NXPE2: variants seen among roughly 807,000 people sequenced by gnomAD.
NXPE2 encodes neurexophilin and PC-esterase domain family member 2, also known as NXPE family member 2.
Under a neutral mutation model 34.4 loss-of-function variants are expected in NXPE2, and 34 were observed. The ratio of observed to expected loss-of-function variants is 0.99; its 90% CI spans 0.75 to 1.31. NXPE2 has a LOEUF of 1.31. Among genes scored for constraint, NXPE2 ranks in the 40% most tolerant of loss-of-function variants. The pLI, the probability that NXPE2 is intolerant of heterozygous loss-of-function variation, is 0.00. For synonymous variants in NXPE2, 235 were observed against 231.3 expected (o/e 1.02, Z -0.15); for missense variants, 649 against 672.5 (o/e 0.97, Z 0.39).
At chr11:114,802,239 G>A in the NXPE2 span, among the ~76,000 whole-genome samples, 38 of 152,288 alleles carry the variant, frequency 2.5e-4, no homozygotes, top group African/African-American at 8.2e-4. Context: ...GAGTGCTGCC[G>A]TCTTTCTTTG....
the NXPE2 span, among the ~76,000 whole-genome samples, chr11:114,800,896 G>T: frequency 2.6e-5 from 4 of 152,288 alleles, no homozygotes; most frequent in South Asian, 8.3e-4. Context: ...TGCTGCTGTT[G>T]TTGCTACTGT....
the NXPE2 span, among the ~76,000 whole-genome samples, chr11:114,801,420 G>A: frequency 1.3e-5 from 2 of 152,206 alleles, no homozygotes; most frequent in East Asian, 1.9e-4. Context: ...GAAGGAAGAA[G>A]ATGAGTTGGA....
the NXPE2 span, chr11:114,581,809 T>C: frequency 1.3e-6 from 2 of 1,541,780 alleles, no homozygotes; most frequent in South Asian, 1.1e-5. Context: ...AATACAGAAA[T>C]TAATCTGTAG....
the NXPE2 span, among the ~76,000 whole-genome samples, chr11:114,544,459 C>A: frequency 6.6e-6 from 1 of 152,108 alleles, no homozygotes; most frequent in East Asian, 1.9e-4. Flanking sequence ...GACATAGGCA[C>A]AAAGGCAATT....
At chr11:114,697,935 A>G (rs1951289472) in intron 2 of NXPE2, 110 bp from the exon 3 acceptor site, 4 of 1,076,506 alleles carry the variant, frequency 3.7e-6, no homozygotes, top group East Asian at 2.8e-5. Context: ...TCGATTTTTG[A>G]TATTTAATTT....
chr11:114,720,201 G>A, the NXPE2 span, among the ~76,000 whole-genome samples: 3 of 152,282 alleles, frequency 2.0e-5, no homozygotes, highest in Non-Finnish European at 2.9e-5. Flanking sequence ...CAAGTAGAAT[G>A]AATGGTTTCT....
the NXPE2 span, among the ~76,000 whole-genome samples, chr11:114,469,599 C>G: frequency 6.6e-6 from 1 of 151,966 alleles, no homozygotes; most frequent in Non-Finnish European, 1.5e-5. Context: ...AAGCAATTCT[C>G]TTGCCTCAGC....
the NXPE2 span, among the ~76,000 whole-genome samples, chr11:114,568,789 C>T: frequency 3.9e-5 from 6 of 152,124 alleles, no homozygotes; most frequent in Non-Finnish European, 8.8e-5. Context: ...ATGCCGTTAC[C>T]CTATCACTGA....
the NXPE2 span, among the ~76,000 whole-genome samples, chr11:114,762,759 C>T: frequency 2.0e-5 from 3 of 152,098 alleles, no homozygotes; most frequent in Non-Finnish European, 2.9e-5. Flanking sequence ...AGGTCATTTC[C>T]CAATATTTGT....
At chr11:114,499,899 T>C in the NXPE2 span, among the ~76,000 whole-genome samples, 1 of 152,154 alleles carries the variant, frequency 6.6e-6, no homozygotes, top group Non-Finnish European at 1.5e-5. Flanking sequence ...CTTCTTTCCC[T>C]CAGCAAAGTG....
the NXPE2 span, among the ~76,000 whole-genome samples, chr11:114,636,432 G>T: frequency 2.8e-4 from 42 of 148,650 alleles, 1 homozygote; most frequent in South Asian, 8.7e-4. Context: ...TTCGTTAATT[G>T]TTTGAAGGGT....
chr11:114,515,736 G>T, the NXPE2 span, among the ~76,000 whole-genome samples: 1 of 139,582 alleles, frequency 7.2e-6, no homozygotes, highest in Non-Finnish European at 1.5e-5. Flanking sequence ...AGAGGCTGTG[G>T]TTAGAAAGTA....
the NXPE2 span, among the ~76,000 whole-genome samples, chr11:114,516,508 G>A: frequency 0.021 from 3,147 of 152,116 alleles, 114 homozygotes; most frequent in African/African-American, 0.072. Context: ...TATGCTCTTG[G>A]TCTGACCTGG....
chr11:114,648,000 G>A, the NXPE2 span, among the ~76,000 whole-genome samples: 10 of 152,050 alleles, frequency 6.6e-5, no homozygotes, highest in East Asian at 7.7e-4. Flanking sequence ...GTTGCCGGCC[G>A]ACTTAACGTT....
chr11:114,691,430 A>T (rs1016941092), intron 2 of NXPE2, among the ~76,000 whole-genome samples: 1 of 151,912 alleles, frequency 6.6e-6, no homozygotes, highest in Non-Finnish European at 1.5e-5. Flanking sequence ...GTTTTGTTTG[A>T]TGGTGTAATT....
chr11:114,690,392 T>G (rs1006125795), intron 2 of NXPE2, among the ~76,000 whole-genome samples: 2 of 152,176 alleles, frequency 1.3e-5, no homozygotes, highest in Non-Finnish European at 2.9e-5. Flanking sequence ...TGGCTAGCAT[T>G]TCTTTTCTTT....
At chr11:114,804,912 A>G in the NXPE2 span, among the ~76,000 whole-genome samples, 48 of 152,310 alleles carry the variant, frequency 3.2e-4, no homozygotes, top group African/African-American at 1.1e-3. Context: ...GATCCTATGG[A>G]TTAGATTCAT....
chr11:114,561,075 A>G, the NXPE2 span, among the ~76,000 whole-genome samples: 1 of 152,226 alleles, frequency 6.6e-6, no homozygotes, highest in African/African-American at 2.4e-5. Flanking sequence ...GCTCTGTAAC[A>G]TAAATCTAAC....
chr11:114,643,913 T>A, the NXPE2 span, among the ~76,000 whole-genome samples: 4 of 152,152 alleles, frequency 2.6e-5, no homozygotes, highest in East Asian at 7.7e-4. Context: ...TGTTTTTCCA[T>A]TTTTTTGTGT....
Sources: allele counts gnomAD v4.1 joint callset (sites outside exome capture counted in the v4.1 genomes callset), GRCh38; gene constraint gnomAD v4.1.1; transcripts MANE v1.5; gene names NCBI Gene and HGNC (gene_info 2026-07-23, HGNC 2026-07-21).